Variants in GALNT12 observed in about 807,000 individuals in gnomAD.
The protein encoded by GALNT12 is polypeptide N-acetylgalactosaminyltransferase 12, also known as UDP-GalNAc:polypeptide N-acetylgalactosaminyltransferase 12.
GALNT12 carries 45 observed loss-of-function variants against 55.5 expected under a neutral mutation model. That is an observed-to-expected ratio of 0.81 (90% CI 0.64 to 1.04). GALNT12 has a LOEUF of 1.04. Ranked by LOEUF, GALNT12 falls within the 50% of genes least tolerant of loss-of-function variation. GALNT12 has a pLI of 0.00. For missense variants in GALNT12, 709 were observed against 754.8 expected (o/e 0.94, Z 0.71); for synonymous variants, 304 against 312.2 (o/e 0.97, Z 0.28).
intron 7 of GALNT12, among the ~76,000 whole-genome samples, chr9:98,840,954 G>A (rs929205966): frequency 6.6e-6 from 1 of 152,062 alleles, no homozygotes; most frequent in South Asian, 2.1e-4. Context: ...TTACAAAACC[G>A]TAGAAATGAA....
chr9:98,826,990 G>A (rs2118379434), intron 3 of GALNT12, 49 bp downstream of exon 3: 1 of 1,538,076 alleles, frequency 6.5e-7, no homozygotes, highest in South Asian at 1.2e-5. Flanking sequence ...CCTGGAGTAG[G>A]TAGCATGAGG....
chr9:98,818,422 G>A (rs1835664974), intron 1 of GALNT12, among the ~76,000 whole-genome samples: 1 of 151,922 alleles, frequency 6.6e-6, no homozygotes, highest in African/African-American at 2.4e-5. Context: ...ATGGGGTTTC[G>A]CCACGTTGGT....
chr9:98,840,469 A>T (rs1346729252), intron 7 of GALNT12, among the ~76,000 whole-genome samples: 2 of 152,208 alleles, frequency 1.3e-5, no homozygotes, highest in East Asian at 3.8e-4. Flanking sequence ...ACTAGTTAAT[A>T]ATTCCAAGTT....
At chr9:98,832,118 G>A (rs113536462) in intron 4 of GALNT12, among the ~76,000 whole-genome samples, 161 bp downstream of exon 4, 2,044 of 152,222 alleles carry the variant, frequency 0.013, 30 homozygotes, top group African/African-American at 0.047. Context: ...TTTATTAAAC[G>A]TGTCTGCTAC....
At chr9:98,840,776 A>G (rs1836269838) in intron 7 of GALNT12, among the ~76,000 whole-genome samples, 2 of 152,236 alleles carry the variant, frequency 1.3e-5, no homozygotes, top group African/African-American at 4.8e-5. Flanking sequence ...GAATGGTATA[A>G]TGAATACCAT....
intron 1 of GALNT12, among the ~76,000 whole-genome samples, chr9:98,817,509 G>A (rs1835639781): frequency 6.6e-6 from 1 of 152,004 alleles, no homozygotes; most frequent in African/African-American, 2.4e-5. Context: ...TGTTGCCCAG[G>A]CTGGAGTGCA....
chr9:98,824,967 A>G (rs1264576399), intron 2 of GALNT12, among the ~76,000 whole-genome samples: 1 of 151,874 alleles, frequency 6.6e-6, no homozygotes, highest in Non-Finnish European at 1.5e-5. Context: ...CTCCCCCAAC[A>G]CCTAGCGACT....
At chr9:98,810,339 C>T (rs911315667) in intron 1 of GALNT12, among the ~76,000 whole-genome samples, 1 of 152,128 alleles carries the variant, frequency 6.6e-6, no homozygotes, top group African/African-American at 2.4e-5. Context: ...TCACATAGCA[C>T]ATCTCAGGCA....
At chr9:98,831,704 AT>A in intron 3 of GALNT12, 67 bp from the exon 4 acceptor site, 1 of 1,562,352 alleles carries the variant, frequency 6.4e-7, no homozygotes, top group Non-Finnish European at 8.8e-7. Flanking sequence ...TCACCCTTGA[AT>A]TTCCCAATTG....
intron 2 of GALNT12, among the ~76,000 whole-genome samples, chr9:98,826,390 G>GT (rs1564252733): frequency 6.6e-6 from 1 of 152,174 alleles, no homozygotes; most frequent in South Asian, 2.1e-4. Flanking sequence ...TGGTTCACGT[G>GT]TTTTTTGGTT....
chr9:98,829,387 C>G (rs988744612), intron 3 of GALNT12, among the ~76,000 whole-genome samples: 1 of 151,764 alleles, frequency 6.6e-6, no homozygotes, highest in Non-Finnish European at 1.5e-5. Context: ...TGGGGTTTCA[C>G]CATGTTGGCC....
rs74887230 is a variant in GALNT12, at chr9:98,831,994, C to A, written c.917+37C>A. 182 of 1,572,994 alleles carry A rather than the reference C, an allele frequency of 1.2e-4. No individual in the cohort carries two copies. The African/African-American group carries it at 2.3e-3, about 20-fold the overall frequency. On this transcript the variant is annotated intron_variant, in intron 4 of 9. Coordinates refer to ENST00000375011, the MANE Select transcript of GALNT12 (RefSeq NM_024642.5). ...ACTTCTGGGTGACTTGTTTTTTAAG[C>A]ATGCCTCATTGAATCTGGCTGACCT... is the stretch of plus-strand genomic sequence containing the variant.
chr9:98,817,587 C>T lies in GALNT12; in HGVS notation c.372-5669C>T, dbSNP rs1000635986. Among the ~76,000 whole-genome samples the T allele has an allele frequency of 2.6e-5, 4 of 152,164 alleles. No homozygotes were observed. In the South Asian group the frequency reaches 6.2e-4, roughly 24 times the overall value. On this transcript the variant is annotated intron_variant, in intron 1 of 9. Coordinates refer to ENST00000375011, the MANE Select transcript of GALNT12 (RefSeq NM_024642.5). ...CAAGTGATTCTCCTGCCTCAGCCTC[C>T]GGAGTAGCTGGGACTACAGGTGCCC... is the stretch of plus-strand genomic sequence containing the variant.
chr9:98,830,916 CTT>C (rs1439960191), intron 3 of GALNT12, among the ~76,000 whole-genome samples: 3 of 152,130 alleles, frequency 2.0e-5, no homozygotes, highest in South Asian at 2.1e-4. Flanking sequence ...TGGCAGGACT[CTT>C]AGGATTTTTA....
intron 3 of GALNT12, among the ~76,000 whole-genome samples, chr9:98,829,153 T>TTATCTATCTATCTATC (rs57899489): frequency 4.8e-4 from 68 of 141,982 alleles, no homozygotes; most frequent in South Asian, 9.4e-4. Context: ...GTAATTTTTT[T>TTATCTATCTATCTATC]TATCTATCTA....
intron 5 of GALNT12, among the ~76,000 whole-genome samples, chr9:98,836,448 A>C (rs981009333): frequency 6.6e-6 from 1 of 152,320 alleles, no homozygotes. Flanking sequence ...TGAGATATTC[A>C]AGGCTGTCAG....
At chr9:98,812,119 T>C (rs991881873) in intron 1 of GALNT12, among the ~76,000 whole-genome samples, 1 of 152,222 alleles carries the variant, frequency 6.6e-6, no homozygotes, top group African/African-American at 2.4e-5. Flanking sequence ...ATTAGATCCA[T>C]CTTGAGAACA....
intron 1 of GALNT12, among the ~76,000 whole-genome samples, chr9:98,811,777 G>T (rs962824643): frequency 2.0e-5 from 3 of 151,350 alleles, no homozygotes; most frequent in African/African-American, 7.3e-5. Context: ...CCACCTCCTG[G>T]GTTCAAGCCA....
In GALNT12 at chr9:98,849,403, G is replaced by A. The variant is rs1029500086; in HGVS notation, c.*311G>A. 9.4e-5 allele frequency: 52 copies of A among 555,840 alleles called. No homozygotes were observed. The highest frequency in any genetic ancestry group is 9.2e-4 in the Middle Eastern group (2 of 2,174). 34.4% of individuals were successfully genotyped at this position (555,840 alleles called of 1,614,324 possible). ...TTTCTATCAAGATGTATATTTTACA[G>A]TCGTGCCTTTTACTCTCATTAGCAA... On this transcript the variant is annotated 3_prime_UTR_variant, in exon 10 of 10. Coordinates refer to ENST00000375011, the MANE Select transcript of GALNT12 (RefSeq NM_024642.5).
Sources: allele counts gnomAD v4.1 joint callset (sites outside exome capture counted in the v4.1 genomes callset), GRCh38; gene constraint gnomAD v4.1.1; transcripts MANE v1.5; gene names NCBI Gene and HGNC (gene_info 2026-07-23, HGNC 2026-07-21).